The following RXFP1 variants were observed in gnomAD, a reference collection of about 807,000 sequenced individuals.
RXFP1 encodes the protein relaxin receptor 1.
In RXFP1, 73 loss-of-function variants were observed where a neutral mutation model predicts 89.8. The ratio of observed to expected loss-of-function variants is 0.81; its 90% CI spans 0.67 to 0.99. RXFP1 has a LOEUF of 0.99. RXFP1 is among the 50% of genes least tolerant of loss of function. The pLI is 0.00. For synonymous variants in RXFP1, 277 were observed against 305.5 expected (o/e 0.91, Z 0.97); for missense variants, 793 against 895.5 (o/e 0.89, Z 1.46).
At chr4:158,571,175 T>C (rs993199382) in intron 1 of RXFP1, among the ~76,000 whole-genome samples, 14 of 152,200 alleles carry the variant, frequency 9.2e-5, no homozygotes, top group Non-Finnish European at 1.8e-4. Flanking sequence ...GTATCCTCCC[T>C]GGGAGATGGT....
At chr4:158,554,287 T>A (rs1319307582) in intron 1 of RXFP1, among the ~76,000 whole-genome samples, 1 of 152,194 alleles carries the variant, frequency 6.6e-6, no homozygotes, top group African/African-American at 2.4e-5. Flanking sequence ...AGTTTTTTTT[T>A]ATTATTAAAA....
At chr4:158,629,709 C>T (rs1325298081) in intron 11 of RXFP1, among the ~76,000 whole-genome samples, 1 of 152,072 alleles carries the variant, frequency 6.6e-6, no homozygotes, top group Non-Finnish European at 1.5e-5. Flanking sequence ...TCACCGTAAC[C>T]TCGAACTCCT....
intron 1 of RXFP1, among the ~76,000 whole-genome samples, chr4:158,541,373 C>CACACACACACAA (rs1284179045): frequency 6.6e-6 from 1 of 151,670 alleles, no homozygotes; most frequent in Non-Finnish European, 1.5e-5. Context: ...CACACACACA[C>CACACACACACAA]ACACACACAG....
At chr4:158,542,715 C>G (rs140712868) in intron 1 of RXFP1, among the ~76,000 whole-genome samples, 2 of 152,272 alleles carry the variant, frequency 1.3e-5, no homozygotes, top group African/African-American at 4.8e-5. Flanking sequence ...TTGCCTTCAC[C>G]TTTTGGCAAT....
At chr4:158,623,284 AGGTCAG>A (rs1018249891) in intron 9 of RXFP1, among the ~76,000 whole-genome samples, 6 of 150,910 alleles carry the variant, frequency 4.0e-5, no homozygotes, top group Non-Finnish European at 8.8e-5. Flanking sequence ...GGATCACCTG[AGGTCAG>A]GAGTTTGAGA....
chr4:158,546,910 C>G (rs899003313), intron 1 of RXFP1, among the ~76,000 whole-genome samples: 2 of 152,040 alleles, frequency 1.3e-5, no homozygotes, highest in African/African-American at 4.8e-5. Context: ...CTAAAATTCT[C>G]TTTTTTGGTT....
chr4:158,607,019 G>C, intron 5 of RXFP1: 1 of 1,482,800 alleles, frequency 6.7e-7, no homozygotes, highest in Non-Finnish European at 9.1e-7. Context: ...GCTCCTAAAA[G>C]TTATAACAAA....
Position 158,648,665 on chromosome 4 carries a change from G to C in RXFP1, c.1923G>C (p.Trp641Cys). ...FFIVFTDALCWIPIFVVKFLS... is the reference protein window; with the variant it reads ...FFIVFTDALCCIPIFVVKFLS... ...TAGTATTTACTGATGCATTATGCTG[G>C]ATACCCATTTTTGTAGTGAAATTTC... The change falls in exon 17 of 18, where the codon TGG (tryptophan) becomes TGC (cysteine). Residue 641 changes from tryptophan (W) to cysteine (C), a missense_variant. Coordinates refer to ENST00000307765, the MANE Select transcript of RXFP1 (RefSeq NM_021634.4). 6.2e-7 allele frequency: 1 copy of C among 1,611,294 alleles called. No individual in the cohort carries two copies. Among genetic ancestry groups the C allele is most frequent in the Admixed American group, 1.7e-5 (1 of 59,500 alleles).
At chr4:158,625,037 A>G (rs1254827380) in intron 9 of RXFP1, among the ~76,000 whole-genome samples, 1 of 151,034 alleles carries the variant, frequency 6.6e-6, no homozygotes, top group African/African-American at 2.5e-5. Flanking sequence ...CTAAATAGGA[A>G]CATCAACTCA....
Position 158,522,045 on chromosome 4 carries a change from A to C in RXFP1, c.49+20A>C. 1.4e-6 allele frequency: 2 copies of C among 1,408,748 alleles called. No individual in the cohort carries two copies. The highest frequency in any genetic ancestry group is 1.0e-6 in the Non-Finnish European group (1 of 996,230). The allele number at this position is 1,408,748 out of a possible 1,614,324, so 87.3% of individuals were successfully genotyped here. On this transcript the variant is annotated intron_variant, in intron 1 of 17. Transcript: ENST00000307765. ...AATATTGTAAGTATGCTCAGTATCT[A>C]ATTTTGTATACCTTAGTATTTTGTG...
chr4:158,567,903 C>T (rs536070435), intron 1 of RXFP1, among the ~76,000 whole-genome samples: 2 of 152,296 alleles, frequency 1.3e-5, no homozygotes, highest in East Asian at 1.9e-4. Flanking sequence ...CTCCTTCCAG[C>T]TTGTGGTGGC....
intron 1 of RXFP1, among the ~76,000 whole-genome samples, chr4:158,524,778 A>C (rs1212522742): frequency 6.6e-6 from 1 of 152,200 alleles, no homozygotes; most frequent in Non-Finnish European, 1.5e-5. Flanking sequence ...GACAACTTGT[A>C]TTATAAGTTC....
At chr4:158,613,548 A>C (rs1318670010) in intron 8 of RXFP1, among the ~76,000 whole-genome samples, 1 of 152,240 alleles carries the variant, frequency 6.6e-6, no homozygotes, top group African/African-American at 2.4e-5. Flanking sequence ...TTCTTTGTTC[A>C]TCCATAAGAA....
rs1772808441 is a variant in RXFP1, at chr4:158,651,880, G to A, written c.2099G>A (p.Arg700Lys). The change falls in exon 18 of 18, where the codon AGA (arginine) becomes AAA (lysine). Residue 700 changes from arginine (R) to lysine (K), a missense_variant. Coordinates refer to ENST00000307765, the MANE Select transcript of RXFP1 (RefSeq NM_021634.4). ...ATTCATCGGTTTTGGTATAACTACA[G>A]ACAAAGAAAATCTATGGACAGCAAA... ...EMIHRFWYNY[R>K]QRKSMDSKGQ... 3 of 1,613,938 alleles carry A rather than the reference G, an allele frequency of 1.9e-6. No homozygotes were observed. The highest frequency in any genetic ancestry group is 2.5e-6 in the Non-Finnish European group (3 of 1,180,012).
chr4:158,556,836 A>G (rs1469951919), intron 1 of RXFP1, among the ~76,000 whole-genome samples: 2 of 152,206 alleles, frequency 1.3e-5, no homozygotes, highest in Non-Finnish European at 2.9e-5. Flanking sequence ...ACACAGAAAG[A>G]CAAATTCTGC....
rs370161971 is a variant in RXFP1 at position 158,633,426 on chromosome 4, T to C, written c.921T>C (p.Ile307=). The change falls in exon 12 of 18, where the codon ATT becomes ATC. Residue 307 remains isoleucine (I), a synonymous_variant. Coordinates refer to ENST00000307765, the MANE Select transcript of RXFP1 (RefSeq NM_021634.4). The part of the protein sequence containing the change: ...LDELDLGSNK[I]ENLPPLIFKD... ...CCAGGGATTTAGGAAGTAATAAGAT[T>C]GAAAATCTTCCACCGCTTATATTCA... 5 of 1,600,606 alleles carry C rather than the reference T, an allele frequency of 3.1e-6. No individual in the cohort carries two copies. Among genetic ancestry groups the C allele is most frequent in the Non-Finnish European group, 4.3e-6 (5 of 1,169,264 alleles).
chr4:158,601,142 G>GTAAAAATTGA (rs1761612395), intron 4 of RXFP1, among the ~76,000 whole-genome samples: 1 of 151,888 alleles, frequency 6.6e-6, no homozygotes, highest in East Asian at 1.9e-4. Context: ...AAATTGTCAT[G>GTAAAAATTGA]ATCTAGTATA....
intron 2 of RXFP1, among the ~76,000 whole-genome samples, chr4:158,577,444 C>T (rs781211160): frequency 7.2e-5 from 11 of 151,958 alleles, no homozygotes; most frequent in Non-Finnish European, 1.5e-4. Context: ...GCATATTTTC[C>T]GTCATGTAAA....
intron 3 of RXFP1, among the ~76,000 whole-genome samples, chr4:158,594,410 T>C (rs182933591): frequency 2.0e-5 from 3 of 152,256 alleles, no homozygotes; most frequent in African/African-American, 7.2e-5. Context: ...TAATTGCTGG[T>C]GGTAGTGGTG....
Sources: allele counts gnomAD v4.1 joint callset (sites outside exome capture counted in the v4.1 genomes callset), GRCh38; gene constraint gnomAD v4.1.1; transcripts MANE v1.5; gene names NCBI Gene and HGNC (gene_info 2026-07-23, HGNC 2026-07-21).